LRRC7: variants seen among roughly 807,000 people sequenced by gnomAD.
LRRC7 encodes the protein leucine-rich repeat-containing protein 7.
A neutral mutation model predicts 175.7 loss-of-function variants in LRRC7; 23 were observed. That is an observed-to-expected ratio of 0.13 (90% CI 0.09 to 0.19). The LOEUF (loss-of-function observed/expected upper bound fraction) is 0.19, where lower values mean the gene tolerates loss of function less well. LRRC7 is among the 10% of genes least tolerant of loss of function. LRRC7 has a pLI of 1.00. For synonymous variants in LRRC7, 685 were observed against 680.9 expected, an observed-to-expected ratio of 1.01 and a Z score of -0.09; for missense variants, 1,354 against 1,904.7, an observed-to-expected ratio of 0.71 and a Z score of 5.38.
chr1:69,985,126 G>A (rs1416728605), intron 9 of LRRC7, among the ~76,000 whole-genome samples: 2 of 152,036 alleles, frequency 1.3e-5, no homozygotes, highest in African/African-American at 2.4e-5. Context: ...CTTGTCACAG[G>A]GTGTTATAAT....
rs1184662219 is a variant in LRRC7, at chr1:69,803,506, C to CTTA, written c.421+11346_421+11347insTTA. Among the ~76,000 whole-genome samples the CTTA allele has an allele frequency of 2.0e-5, 3 of 151,458 alleles. No homozygotes were observed. The East Asian group carries it at 5.8e-4, about 29-fold the overall frequency. On this transcript the variant is annotated intron_variant, in intron 4 of 26. Coordinates refer to ENST00000651989, the MANE Select transcript of LRRC7 (RefSeq NM_001370785.2). ...TAAGTACTTTAAGTTGTTAGCTTTACAAATTGTATCACTTTTTAAGAAATG... is the reference window on the plus strand; with the variant it reads ...TAAGTACTTTAAGTTGTTAGCTTTACTTAAAATTGTATCACTTTTTAAGAAATG...
At chr1:69,949,217 C>T (rs1240785610) in intron 8 of LRRC7, among the ~76,000 whole-genome samples, 2 of 151,954 alleles carry the variant, frequency 1.3e-5, no homozygotes, top group East Asian at 1.9e-4. Context: ...AGTTTAATGT[C>T]TACCATGCCA....
At chr1:69,636,102 T>G (rs1337076600) in intron 1 of LRRC7, among the ~76,000 whole-genome samples, 1 of 152,012 alleles carries the variant, frequency 6.6e-6, no homozygotes, top group Non-Finnish European at 1.5e-5. Flanking sequence ...ACTTCCTGGT[T>G]TCAAAGAATC....
chr1:69,907,015 T>G (rs1349816085), intron 7 of LRRC7, among the ~76,000 whole-genome samples: 1 of 152,066 alleles, frequency 6.6e-6, no homozygotes, highest in African/African-American at 2.4e-5. Context: ...TTATTCTCTT[T>G]GAAGCAATTG....
At chr1:70,020,860 C>T in intron 15 of LRRC7, 145 bp from the exon 16 acceptor site, 4 of 552,000 alleles carry the variant, frequency 7.2e-6, no homozygotes, top group Non-Finnish European at 5.6e-6. Flanking sequence ...TTTCTCTTTC[C>T]TTCTTTCTCT....
intron 1 of LRRC7, among the ~76,000 whole-genome samples, chr1:69,609,536 T>A (rs953505627): frequency 6.6e-6 from 1 of 151,998 alleles, no homozygotes; most frequent in African/African-American, 2.4e-5. Flanking sequence ...TCTAAAGATA[T>A]CTTGTTAATA....
rs757845149 is a variant in LRRC7, at chr1:70,039,476, C to A, written c.3652C>A (p.Gln1218Lys). ...GTATGAAGATGAACACCCTTCATAT[C>A]AAGAAGTGAAAGCTCAGGCGGGAAG... ...GRYEDEHPSY[Q>K]EVKAQAGSFP... Residue 1218 changes from glutamine (Q) to lysine (K), a missense_variant, in exon 21 of 27, where the codon CAA becomes AAA. Gln to Lys is a moderately conservative substitution (Grantham distance 53). This residue lies in a region of LRRC7 where 1,032 missense variants were observed against 1,227.2 expected (regional missense o/e 0.84). Transcript: ENST00000651989. The A allele has an allele frequency of 6.2e-7, 1 of 1,614,146 alleles. No individual in the cohort carries two copies. Among genetic ancestry groups the A allele is most frequent in the Admixed American group, 1.7e-5 (1 of 60,030 alleles).
intron 8 of LRRC7, among the ~76,000 whole-genome samples, chr1:69,946,242 T>C (rs570098128): frequency 2.0e-5 from 3 of 152,176 alleles, no homozygotes; most frequent in African/African-American, 7.2e-5. Flanking sequence ...CAGATTATTT[T>C]TATCCTTCAT....
At position 70,143,876 on chromosome 1, in the gene LRRC7, T is replaced by TATCA. The variant is rs1374226458; in HGVS notation, c.*21990_*21993dup. 6.6e-6 allele frequency: 1 copy of TATCA among 152,192 alleles called. No individual in the cohort carries two copies. The highest frequency in any genetic ancestry group is 2.4e-5 in the African/African-American group (1 of 41,428). The allele number at this position is 152,192 out of a possible 1,614,324, so 9.4% of individuals were successfully genotyped here. A position where few individuals can be genotyped will look rare whatever the true frequency, so the allele number is the denominator to read the frequency against. On this transcript the variant is annotated 3_prime_UTR_variant, in exon 27 of 27. Coordinates refer to ENST00000651989, the MANE Select transcript of LRRC7 (RefSeq NM_001370785.2). ...TTTGTATGTGTTAAAAAGACTACTA[T>TATCA]ATCACAATTAAAAGTACTTTTTAGT...
chr1:69,600,054 G>A (rs918457943), intron 1 of LRRC7, among the ~76,000 whole-genome samples: 2 of 151,974 alleles, frequency 1.3e-5, no homozygotes, highest in Non-Finnish European at 2.9e-5. Flanking sequence ...TACCTTACAG[G>A]TCAGGCAAAA....
chr1:70,021,027 C>T lies in LRRC7; in HGVS notation c.1443C>T (p.Ser481=), dbSNP rs1274165084. The T allele has an allele frequency of 6.2e-7, 1 of 1,611,142 alleles. No homozygotes were observed. The highest frequency in any genetic ancestry group is 1.7e-5 in the Admixed American group (1 of 59,878). Residue 481 remains serine (S), a synonymous_variant, in exon 16 of 27, where the codon AGC becomes AGT. Coordinates refer to ENST00000651989, the MANE Select transcript of LRRC7 (RefSeq NM_001370785.2). ...TAGATTTCCAGTCAGACAGTGACAG[C>T]TTTAACCCTACACTGTGGGAAGAGC... ...GDEDFQSDSD[S]FNPTLWEEQR...
intron 7 of LRRC7, among the ~76,000 whole-genome samples, chr1:69,857,209 A>T (rs1184470096): frequency 5.9e-5 from 9 of 152,192 alleles, no homozygotes; most frequent in Admixed American, 5.9e-4. Flanking sequence ...GGCACAAGAC[A>T]GGGATCCCCT....
In LRRC7 at chr1:69,932,379, T is replaced by C. The variant is rs180903740; in HGVS notation, c.711+809T>C. Among the ~76,000 whole-genome samples the C allele has an allele frequency of 2.7e-3, 404 of 152,300 alleles. 5 individuals carry two copies. Among genetic ancestry groups the C allele is most frequent in the Non-Finnish European group, 4.2e-3 (283 of 68,018 alleles). Reference sequence around the variant, plus strand: ...TGCATAACCTCTTTTCGCCTTATTTTCCTCGTGTATAAAATAGGGATTATA... The same window carrying C: ...TGCATAACCTCTTTTCGCCTTATTTCCCTCGTGTATAAAATAGGGATTATA... On this transcript the variant is annotated intron_variant, in intron 8 of 26. Coordinates refer to ENST00000651989, the MANE Select transcript of LRRC7 (RefSeq NM_001370785.2).
At chr1:69,983,946 G>A (rs1202255973) in intron 9 of LRRC7, among the ~76,000 whole-genome samples, 1 of 150,998 alleles carries the variant, frequency 6.6e-6, no homozygotes, top group Non-Finnish European at 1.5e-5. Flanking sequence ...TTTTTTTTTG[G>A]ATGGAGTCTC....
intron 26 of LRRC7, among the ~76,000 whole-genome samples, chr1:70,114,340 A>G (rs962132608): frequency 6.6e-6 from 1 of 152,148 alleles, no homozygotes; most frequent in Non-Finnish European, 1.5e-5. Context: ...TTTTAATACA[A>G]TTGGATTAGA....
chr1:69,795,107 C>G (rs570609854), intron 4 of LRRC7, among the ~76,000 whole-genome samples: 6 of 152,268 alleles, frequency 3.9e-5, no homozygotes, highest in Admixed American at 6.5e-5. Context: ...CACTGCCTGG[C>G]GCAGTGACTC....
Position 70,059,474 on chromosome 1 carries a change from AGTGTGTGT to A in LRRC7, c.4230+6365_4230+6372del, listed in dbSNP as rs10542055. ...TTATCAGAAGAAGAAACTAGAAGAA[AGTGTGTGT>A]GTGTGTGTGTGTGTGTGTGTGTGTG... On this transcript the variant is annotated intron_variant, in intron 23 of 26. Transcript: ENST00000651989. Among the ~76,000 whole-genome samples the A allele has an allele frequency of 4.5e-3, 591 of 132,264 alleles. 6 individuals carry two copies. The highest frequency in any genetic ancestry group is 5.7e-3 in the Non-Finnish European group (358 of 63,054). 86.8% of individuals were successfully genotyped at this position (132,264 alleles called of 152,430 possible).
Position 69,568,597 on chromosome 1 carries a change from A to G in LRRC7, c.-43A>G. On this transcript the variant is annotated 5_prime_UTR_variant, in exon 1 of 27. Transcript: ENST00000651989. Reference sequence around the variant, plus strand: ...AGGAATAACCCTTGGCAGCTGCACGACTACGCTCTCCGAAACCTCATGGGC... The same window carrying G: ...AGGAATAACCCTTGGCAGCTGCACGGCTACGCTCTCCGAAACCTCATGGGC... The G allele has an allele frequency of 7.4e-7, 1 of 1,349,830 alleles. No homozygotes were observed. Among genetic ancestry groups the G allele is most frequent in the Non-Finnish European group, 9.9e-7 (1 of 1,015,034 alleles). The allele number at this position is 1,349,830 out of a possible 1,614,324, so 83.6% of individuals were successfully genotyped here. A position where few individuals can be genotyped will look rare whatever the true frequency, so the allele number is the denominator to read the frequency against.
chr1:70,120,611 C>A (rs1286782872), intron 26 of LRRC7, among the ~76,000 whole-genome samples: 1 of 151,878 alleles, frequency 6.6e-6, no homozygotes, highest in Non-Finnish European at 1.5e-5. Context: ...GATTGGTTAT[C>A]TGAAATATTA....
Sources: gnomAD v4.1 joint callset for allele counts (sites outside exome capture counted in the v4.1 genomes callset) on GRCh38, gnomAD v4.1.1 for gene constraint, gnomAD v4.1.1 regional missense constraint, MANE v1.5 for transcripts, NCBI Gene and HGNC (gene_info 2026-07-23, HGNC 2026-07-21) for gene names.